MTMR7: variants seen among roughly 807,000 people sequenced by gnomAD.
MTMR7 encodes myotubularin related protein 7.
In MTMR7, 76 loss-of-function variants were observed where a neutral mutation model predicts 81.2. That is an observed-to-expected ratio of 0.94 (90% CI 0.78 to 1.13). The LOEUF (loss-of-function observed/expected upper bound fraction) is 1.13. Among genes scored for constraint, MTMR7 ranks in the 50% most tolerant of loss-of-function variants. The pLI, the probability that MTMR7 is intolerant of heterozygous loss-of-function variation, is 0.00. For synonymous variants in MTMR7, 372 were observed against 289.8 expected (o/e 1.28, Z -2.88); for missense variants, 1,044 against 820.0 (o/e 1.27, Z -3.34).
intron 1 of MTMR7, among the ~76,000 whole-genome samples, chr8:17,381,673 C>G (rs539778582): frequency 2.3e-4 from 35 of 152,278 alleles, no homozygotes; most frequent in African/African-American, 7.9e-4. Flanking sequence ...GGCTCCAGAT[C>G]ACTGTCAGTC....
chr8:17,369,936 C>T (rs375777776), intron 3 of MTMR7, among the ~76,000 whole-genome samples: 14 of 151,986 alleles, frequency 9.2e-5, no homozygotes, highest in South Asian at 4.2e-4. Flanking sequence ...TGAGCCACCG[C>T]GTCAGGCCGA....
At chr8:17,393,578 C>T (rs1237037894) in intron 1 of MTMR7, among the ~76,000 whole-genome samples, 1 of 152,170 alleles carries the variant, frequency 6.6e-6, no homozygotes, top group Admixed American at 6.5e-5. Flanking sequence ...AGCTGTCATC[C>T]TCAGCAAACA....
At chr8:17,306,906 T>G (rs1445629528) in intron 10 of MTMR7, among the ~76,000 whole-genome samples, 1 of 136,124 alleles carries the variant, frequency 7.3e-6, no homozygotes, top group Non-Finnish European at 1.6e-5. Flanking sequence ...ATTAAAGACT[T>G]AAACGTTAGA....
intron 3 of MTMR7, among the ~76,000 whole-genome samples, chr8:17,366,663 G>T (rs907350411): frequency 5.9e-5 from 9 of 152,128 alleles, no homozygotes; most frequent in Non-Finnish European, 1.2e-4. Flanking sequence ...GAGGCGGGCG[G>T]ATCATGAGGT....
chr8:17,383,468 T>G lies in MTMR7; in HGVS notation c.25-10228A>C, dbSNP rs983958052. On this transcript the variant is annotated intron_variant, in intron 1 of 13. Coordinates refer to ENST00000180173, the MANE Select transcript of MTMR7 (RefSeq NM_004686.5). ...TGAAGAGCATGAAAAATCAATCAAC[T>G]GCCCAAGCCTCGCATCTAGAAAGTG... Among the ~76,000 whole-genome samples the G allele has an allele frequency of 3.3e-5, 5 of 152,196 alleles. No homozygotes were observed. The East Asian group carries it at 9.6e-4, about 29-fold the overall frequency.
intron 1 of MTMR7, among the ~76,000 whole-genome samples, chr8:17,374,151 T>G (rs187374887): frequency 6.6e-6 from 1 of 152,324 alleles, no homozygotes; most frequent in Admixed American, 6.5e-5. Context: ...TCCATGCAGC[T>G]TAGGAACTAA....
chr8:17,322,141 C>A (rs926225604), intron 7 of MTMR7, among the ~76,000 whole-genome samples: 1 of 152,030 alleles, frequency 6.6e-6, no homozygotes, highest in Non-Finnish European at 1.5e-5. Flanking sequence ...TGCCTGTTGG[C>A]TCTGTCCTCT....
intron 1 of MTMR7, among the ~76,000 whole-genome samples, chr8:17,375,909 T>C (rs1174442520): frequency 6.6e-6 from 1 of 152,212 alleles, no homozygotes; most frequent in Non-Finnish European, 1.5e-5. Flanking sequence ...TCTGTTGAGA[T>C]ATAACTCATA....
chr8:17,301,818 T>C (rs1817134219), intron 13 of MTMR7: 2 of 350,746 alleles, frequency 5.7e-6, no homozygotes, highest in Non-Finnish European at 1.0e-5. Context: ...TACAAGTACA[T>C]ATATTTGATT....
chr8:17,301,925 CA>C, intron 13 of MTMR7: 1 of 448,088 alleles, frequency 2.2e-6, no homozygotes, highest in Non-Finnish European at 3.8e-6. Flanking sequence ...AAGGAACAAC[CA>C]AAAATTTGTG....
intron 4 of MTMR7, among the ~76,000 whole-genome samples, chr8:17,352,436 T>TA (rs1819755960): frequency 6.6e-6 from 1 of 151,994 alleles, no homozygotes; most frequent in Admixed American, 6.6e-5. Context: ...TTGTACTATA[T>TA]AAAAAAATTA....
chr8:17,327,777 G>A (rs1818764843), intron 7 of MTMR7, among the ~76,000 whole-genome samples: 1 of 152,126 alleles, frequency 6.6e-6, no homozygotes, highest in African/African-American at 2.4e-5. Flanking sequence ...AAAATTGGGT[G>A]GCAAATGGTA....
At chr8:17,331,427 T>C (rs562922114) in intron 6 of MTMR7, 145 bp from the exon 7 acceptor site, 2 of 798,596 alleles carry the variant, frequency 2.5e-6, no homozygotes, top group Admixed American at 3.4e-5. Flanking sequence ...ACTGCAACCT[T>C]GTACTGAACT....
intron 4 of MTMR7, among the ~76,000 whole-genome samples, chr8:17,358,952 G>T (rs1280418690): frequency 2.6e-5 from 4 of 152,156 alleles, no homozygotes; most frequent in African/African-American, 9.6e-5. Context: ...TAGAGTGCAT[G>T]GCGCGATCAT....
intron 1 of MTMR7, among the ~76,000 whole-genome samples, chr8:17,381,569 C>A (rs986791062): frequency 6.6e-6 from 1 of 152,092 alleles, no homozygotes; most frequent in African/African-American, 2.4e-5. Context: ...AGTGCAGGGC[C>A]GGGGTGCCAG....
chr8:17,331,412 G>T (rs1818997467), intron 6 of MTMR7, 130 bp from the exon 7 acceptor site: 1 of 925,060 alleles, frequency 1.1e-6, no homozygotes, highest in Admixed American at 3.3e-5. Flanking sequence ...ACGCTTATTT[G>T]AATCACTGCA....
At chr8:17,359,672 T>G (rs1820003136) in intron 4 of MTMR7, among the ~76,000 whole-genome samples, 3 of 151,214 alleles carry the variant, frequency 2.0e-5, no homozygotes, top group African/African-American at 7.3e-5. Context: ...AAATGGTCAT[T>G]TATCAGGAGA....
intron 1 of MTMR7, among the ~76,000 whole-genome samples, chr8:17,400,977 G>C (rs954674702): frequency 2.0e-5 from 3 of 152,096 alleles, no homozygotes; most frequent in Non-Finnish European, 4.4e-5. Context: ...ATGGAGGCTT[G>C]GGTGTACAGA....
At chr8:17,371,376 A>G (rs1820415846) in intron 2 of MTMR7, among the ~76,000 whole-genome samples, 177 bp from the exon 3 acceptor site, 2 of 152,232 alleles carry the variant, frequency 1.3e-5, no homozygotes, top group African/African-American at 4.8e-5. Flanking sequence ...CCAACTTCCT[A>G]AATTTATAAT....
Sources: gnomAD v4.1 joint callset for allele counts (sites outside exome capture counted in the v4.1 genomes callset) on GRCh38, gnomAD v4.1.1 for gene constraint, MANE v1.5 for transcripts, NCBI Gene and HGNC (gene_info 2026-07-23, HGNC 2026-07-21) for gene names.